The following PDGFD variants were observed in gnomAD, a reference collection of about 807,000 sequenced individuals.
The protein encoded by PDGFD is platelet derived growth factor D, also known as platelet-derived growth factor D.
PDGFD carries 30 observed loss-of-function variants against 44.7 expected under a neutral mutation model. That is an observed-to-expected ratio of 0.67 (90% CI 0.50 to 0.91). The LOEUF is 0.91. PDGFD is among the 40% of genes least tolerant of loss of function. The pLI is 0.00. For synonymous variants in PDGFD, 173 were observed against 168.4 expected (o/e 1.03, Z -0.21); for missense variants, 445 against 457.8 (o/e 0.97, Z 0.25).
chr11:104,074,213 C>A (rs766148183), intron 1 of PDGFD, among the ~76,000 whole-genome samples: 7 of 152,190 alleles, frequency 4.6e-5, no homozygotes, highest in African/African-American at 7.2e-5. Context: ...AGACACTTGC[C>A]TGAGCCAGCT....
chr11:104,037,959 T>C, intron 1 of PDGFD: 1 of 1,614,136 alleles, frequency 6.2e-7, no homozygotes, highest in South Asian at 1.1e-5. Context: ...AAGATGAGTC[T>C]TCGGACAAGG....
intron 1 of PDGFD, among the ~76,000 whole-genome samples, chr11:104,161,638 A>G (rs1344619953): frequency 1.3e-5 from 2 of 152,184 alleles, no homozygotes; most frequent in Non-Finnish European, 2.9e-5. Flanking sequence ...ACAGAAATGT[A>G]TATCTATTTA....
At chr11:104,157,669 C>G (rs77409628) in intron 1 of PDGFD, among the ~76,000 whole-genome samples, 92 of 152,204 alleles carry the variant, frequency 6.0e-4, no homozygotes, top group African/African-American at 2.1e-3. Context: ...CTCCTTCAGT[C>G]CGGAGAAGGC....
At chr11:104,057,116 G>A (rs1860632144) in intron 1 of PDGFD, among the ~76,000 whole-genome samples, 1 of 152,106 alleles carries the variant, frequency 6.6e-6, no homozygotes, top group African/African-American at 2.4e-5. Flanking sequence ...GACACAGCAA[G>A]ACTTCGTCCC....
At chr11:104,022,278 C>T (rs1859966939) in intron 1 of PDGFD, among the ~76,000 whole-genome samples, 1 of 152,130 alleles carries the variant, frequency 6.6e-6, no homozygotes, top group African/African-American at 2.4e-5. Flanking sequence ...GATCTACAAT[C>T]CTTCGTGTTC....
chr11:103,957,874 G>A (rs1474160739), intron 3 of PDGFD, among the ~76,000 whole-genome samples: 1 of 152,114 alleles, frequency 6.6e-6, no homozygotes, highest in Non-Finnish European at 1.5e-5. Context: ...TTTGTTAATA[G>A]CTTCCATGGT....
At chr11:104,011,343 A>G (rs1283576074) in intron 1 of PDGFD, among the ~76,000 whole-genome samples, 1 of 152,120 alleles carries the variant, frequency 6.6e-6, no homozygotes, top group Non-Finnish European at 1.5e-5. Flanking sequence ...TAATATGTAC[A>G]TTAGTTACAT....
intron 5 of PDGFD, among the ~76,000 whole-genome samples, chr11:103,927,959 C>CT (rs1227092454): frequency 6.6e-6 from 1 of 152,208 alleles, no homozygotes; most frequent in Non-Finnish European, 1.5e-5. Flanking sequence ...CTCTCACATT[C>CT]TTTTCCTTTA....
chr11:104,109,268 CA>C (rs1861515877), intron 1 of PDGFD, among the ~76,000 whole-genome samples: 1 of 151,950 alleles, frequency 6.6e-6, no homozygotes, highest in East Asian at 1.9e-4. Flanking sequence ...TTAGAAAAAT[CA>C]GGCTTGAGCC....
intron 1 of PDGFD, among the ~76,000 whole-genome samples, chr11:104,135,708 G>A (rs1319993528): frequency 2.0e-5 from 3 of 152,156 alleles, no homozygotes; most frequent in Non-Finnish European, 4.4e-5. Flanking sequence ...CAGTTCATAT[G>A]GGTGCCATTC....
chr11:104,019,920 A>G (rs1859924225), intron 1 of PDGFD, among the ~76,000 whole-genome samples: 1 of 152,200 alleles, frequency 6.6e-6, no homozygotes, highest in Non-Finnish European at 1.5e-5. Flanking sequence ...TCATCTACAA[A>G]ATAGTGATAA....
chr11:104,153,822 G>A (rs1261836003), intron 1 of PDGFD, among the ~76,000 whole-genome samples: 3 of 151,978 alleles, frequency 2.0e-5, no homozygotes, highest in Admixed American at 6.6e-5. Context: ...ATATATTTTT[G>A]GGGGTCATTT....
chr11:104,145,346 A>G (rs1052881841), intron 1 of PDGFD, among the ~76,000 whole-genome samples: 5 of 152,306 alleles, frequency 3.3e-5, no homozygotes, highest in African/African-American at 1.2e-4. Flanking sequence ...GTTTACTTAC[A>G]CACATTTGAA....
At chr11:103,929,427 G>T (rs752671675) in intron 5 of PDGFD, among the ~76,000 whole-genome samples, 1 of 152,134 alleles carries the variant, frequency 6.6e-6, no homozygotes, top group African/African-American at 2.4e-5. Context: ...CTTCCCTATA[G>T]GAATTCCAAT....
rs1043447169 is a variant in PDGFD, at chr11:104,122,126, G to C, written c.124+41678C>G. On this transcript the variant is annotated intron_variant, in intron 1 of 6. Transcript: ENST00000393158. The stretch of plus-strand genomic sequence containing the variant: ...CAAGAAATTATTTTTTTCTAACAAA[G>C]AGCAGCCTGAAAAATCAAACTGTAA... Among the ~76,000 whole-genome samples the C allele has an allele frequency of 3.0e-4, 46 of 151,954 alleles. 3 individuals are homozygous for C. Among genetic ancestry groups the C allele is most frequent in the South Asian group, 2.1e-4 (1 of 4,828 alleles).
chr11:104,128,793 C>T (rs1861875934), intron 1 of PDGFD, among the ~76,000 whole-genome samples: 1 of 152,052 alleles, frequency 6.6e-6, no homozygotes, highest in Non-Finnish European at 1.5e-5. Context: ...TGAAATAATG[C>T]ACATTGATAA....
chr11:104,021,515 G>A (rs1444473495), intron 1 of PDGFD, among the ~76,000 whole-genome samples: 2 of 152,108 alleles, frequency 1.3e-5, no homozygotes, highest in African/African-American at 4.8e-5. Context: ...TAAGCCTTAG[G>A]AGTCATCCAC....
At chr11:103,994,563 A>G (rs1235382552) in intron 3 of PDGFD, among the ~76,000 whole-genome samples, 12 of 152,222 alleles carry the variant, frequency 7.9e-5, no homozygotes, top group Admixed American at 1.3e-4. Flanking sequence ...AATGCAAAGA[A>G]AACCAATTAG....
At chr11:104,130,237 C>A (rs1182009538) in intron 1 of PDGFD, among the ~76,000 whole-genome samples, 2 of 152,060 alleles carry the variant, frequency 1.3e-5, no homozygotes, top group East Asian at 1.9e-4. Flanking sequence ...TGTAATCCCC[C>A]CCTTTTCTCT....
Sources: allele counts gnomAD v4.1 joint callset (sites outside exome capture counted in the v4.1 genomes callset), GRCh38; gene constraint gnomAD v4.1.1; transcripts MANE v1.5; gene names NCBI Gene and HGNC (gene_info 2026-07-23, HGNC 2026-07-21).